The following SCHIP1 variants were observed in gnomAD, a reference collection of about 807,000 sequenced individuals.
SCHIP1 encodes schwannomin interacting protein 1, also known as schwannomin-interacting protein 1.
In SCHIP1, 8 loss-of-function variants were observed where a neutral mutation model predicts 29.7. The observed-to-expected ratio is 0.27, with a 90% CI of 0.16 to 0.49. The LOEUF (loss-of-function observed/expected upper bound fraction) is 0.49, where lower values mean the gene tolerates loss of function less well. SCHIP1 is among the 20% of genes least tolerant of loss of function. The pLI, the probability that SCHIP1 is intolerant of heterozygous loss-of-function variation, is 0.99. For synonymous variants in SCHIP1, 76 were observed against 94.9 expected, an observed-to-expected ratio of 0.80 and a Z score of 1.16; for missense variants, 193 against 294.6, an observed-to-expected ratio of 0.66 and a Z score of 2.52.
At chr3:159,738,280 G>C in the SCHIP1 span, among the ~76,000 whole-genome samples, 4 of 151,574 alleles carry the variant, frequency 2.6e-5, no homozygotes, top group Non-Finnish European at 5.9e-5. Context: ...AAATGCAACT[G>C]GTATATAGAT....
the SCHIP1 span, among the ~76,000 whole-genome samples, chr3:159,481,324 TAAA>T: frequency 6.6e-6 from 1 of 152,044 alleles, no homozygotes; most frequent in African/African-American, 2.4e-5. Context: ...GATTTTCTTT[TAAA>T]AAAAAGTTTT....
At chr3:159,304,650 GT>G in the SCHIP1 span, among the ~76,000 whole-genome samples, 1 of 152,124 alleles carries the variant, frequency 6.6e-6, no homozygotes, top group African/African-American at 2.4e-5. Context: ...AGCAAAAAGT[GT>G]TTCCTCGGAG....
At chr3:159,427,029 G>A in the SCHIP1 span, among the ~76,000 whole-genome samples, 7 of 152,108 alleles carry the variant, frequency 4.6e-5, no homozygotes, top group African/African-American at 7.2e-5. Flanking sequence ...TTGATGGGAC[G>A]TATCTCAAAA....
At chr3:159,833,675 C>A in the SCHIP1 span, among the ~76,000 whole-genome samples, 1 of 152,200 alleles carries the variant, frequency 6.6e-6, no homozygotes, top group East Asian at 1.9e-4. Context: ...CAACTGTCCT[C>A]TCTGTGCAAA....
At chr3:159,866,122 C>T in intron 1 of SCHIP1, 41 bp from the exon 3 acceptor site, 3 of 1,586,500 alleles carry the variant, frequency 1.9e-6, no homozygotes, top group Non-Finnish European at 2.6e-6. Flanking sequence ...TGTGCTATAT[C>T]TGCCCACTTA....
the SCHIP1 span, among the ~76,000 whole-genome samples, chr3:159,343,599 C>A: frequency 2.0e-5 from 3 of 152,262 alleles, no homozygotes; most frequent in East Asian, 5.8e-4. Flanking sequence ...TGCAGCCTTG[C>A]CTAATATTTC....
At chr3:159,299,631 G>A in the SCHIP1 span, among the ~76,000 whole-genome samples, 1 of 152,178 alleles carries the variant, frequency 6.6e-6, no homozygotes, top group South Asian at 2.1e-4. Context: ...CAACATCTTT[G>A]TGAGGGCTTC....
At chr3:159,874,446 A>G (rs1715572676) in intron 2 of SCHIP1, among the ~76,000 whole-genome samples, 1 of 152,220 alleles carries the variant, frequency 6.6e-6, no homozygotes, top group Non-Finnish European at 1.5e-5. Flanking sequence ...TGGCTGAGAC[A>G]AGGCCAATAA....
chr3:159,634,747 G>A, the SCHIP1 span, among the ~76,000 whole-genome samples: 4 of 152,302 alleles, frequency 2.6e-5, no homozygotes, highest in African/African-American at 4.8e-5. Flanking sequence ...AATGAGGCTC[G>A]TCACAGCTCT....
the SCHIP1 span, among the ~76,000 whole-genome samples, chr3:159,479,888 G>T: frequency 4.6e-5 from 7 of 152,154 alleles, no homozygotes; most frequent in Non-Finnish European, 8.8e-5. Context: ...ACATCATCTT[G>T]TGGAACCCCC....
chr3:159,703,896 A>G, the SCHIP1 span, among the ~76,000 whole-genome samples: 1 of 152,172 alleles, frequency 6.6e-6, no homozygotes. Context: ...CTCACTTGGT[A>G]AACTCCCTCT....
At chr3:159,804,331 G>A in the SCHIP1 span, among the ~76,000 whole-genome samples, 1 of 152,172 alleles carries the variant, frequency 6.6e-6, no homozygotes, top group South Asian at 2.1e-4. Context: ...TCTGTTGCAG[G>A]GAGCCTCCTT....
chr3:159,895,439 G>A (rs1717969085), intron 6 of SCHIP1, among the ~76,000 whole-genome samples: 1 of 152,072 alleles, frequency 6.6e-6, no homozygotes, highest in African/African-American at 2.4e-5. Flanking sequence ...GATTATAGCT[G>A]GAAACCACAG....
At chr3:159,489,475 C>G in the SCHIP1 span, among the ~76,000 whole-genome samples, 1 of 152,168 alleles carries the variant, frequency 6.6e-6, no homozygotes, top group Non-Finnish European at 1.5e-5. Flanking sequence ...ATGCTTCACT[C>G]TGGGCTTTCT....
the SCHIP1 span, among the ~76,000 whole-genome samples, chr3:159,521,391 C>A: frequency 6.6e-6 from 1 of 152,206 alleles, no homozygotes; most frequent in Non-Finnish European, 1.5e-5. Flanking sequence ...GGTATAATGT[C>A]TTTGGCTCAC....
At chr3:159,345,088 C>T in the SCHIP1 span, among the ~76,000 whole-genome samples, 35 of 151,916 alleles carry the variant, frequency 2.3e-4, no homozygotes, top group East Asian at 6.2e-3. Context: ...ATTAGCTGGG[C>T]GTGGTGGTGG....
At chr3:159,594,079 G>A in the SCHIP1 span, among the ~76,000 whole-genome samples, 1 of 152,218 alleles carries the variant, frequency 6.6e-6, no homozygotes, top group African/African-American at 2.4e-5. Context: ...TGTAGGGAAA[G>A]GAACCTTGAC....
chr3:159,464,937 G>T, the SCHIP1 span, among the ~76,000 whole-genome samples: 1 of 152,058 alleles, frequency 6.6e-6, no homozygotes, highest in Non-Finnish European at 1.5e-5. Flanking sequence ...TTTTTTATGG[G>T]TGATATAAGG....
chr3:159,470,301 T>C, the SCHIP1 span, among the ~76,000 whole-genome samples: 2 of 152,068 alleles, frequency 1.3e-5, no homozygotes, highest in Non-Finnish European at 2.9e-5. Context: ...GAAACATAAA[T>C]AGTTTTATAC....
Sources: gnomAD v4.1 joint callset for allele counts (sites outside exome capture counted in the v4.1 genomes callset) on GRCh38, gnomAD v4.1.1 for gene constraint, MANE v1.5 for transcripts, NCBI Gene and HGNC (gene_info 2026-07-23, HGNC 2026-07-21) for gene names.